CFAP91: variants seen among roughly 807,000 people sequenced by gnomAD.
The protein encoded by CFAP91 is cilia and flagella associated protein 91.
CFAP91 carries 85 observed loss-of-function variants against 95.9 expected under a neutral mutation model. The ratio of observed to expected loss-of-function variants is 0.89; its 90% CI spans 0.74 to 1.06. The LOEUF (loss-of-function observed/expected upper bound fraction) is 1.06. Ranked by LOEUF, CFAP91 falls within the 50% of genes least tolerant of loss-of-function variation. The pLI is 0.00. For synonymous variants in CFAP91, 335 were observed against 327.5 expected, an observed-to-expected ratio of 1.02 and a Z score of -0.25; for missense variants, 962 against 943.4, an observed-to-expected ratio of 1.02 and a Z score of -0.26.
intron 5 of CFAP91, among the ~76,000 whole-genome samples, chr3:119,713,951 A>G (rs2053523584): frequency 6.6e-6 from 1 of 152,116 alleles, no homozygotes; most frequent in South Asian, 2.1e-4. Context: ...TCTCGTATTG[A>G]TGTGATCATT....
At chr3:119,764,179 T>A (rs2054588882) in intron 17 of CFAP91, among the ~76,000 whole-genome samples, 2 of 152,032 alleles carry the variant, frequency 1.3e-5, no homozygotes, top group African/African-American at 4.8e-5. Flanking sequence ...GGAAAGAGAA[T>A]CAGAAACGGT....
chr3:119,740,047 C>G (rs1286414743), intron 12 of CFAP91, among the ~76,000 whole-genome samples: 1 of 152,162 alleles, frequency 6.6e-6, no homozygotes, highest in Non-Finnish European at 1.5e-5. Flanking sequence ...ATAAGAGATT[C>G]AGATATGATG....
intron 13 of CFAP91, among the ~76,000 whole-genome samples, chr3:119,741,876 G>T (rs116840513): frequency 2.0e-4 from 30 of 152,260 alleles, no homozygotes; most frequent in African/African-American, 7.0e-4. Flanking sequence ...GGAACTTTTG[G>T]GGGGTGAGGC....
At chr3:119,709,267 A>G (rs187754419) in intron 4 of CFAP91, among the ~76,000 whole-genome samples, 12 of 152,354 alleles carry the variant, frequency 7.9e-5, no homozygotes, top group African/African-American at 2.2e-4. Flanking sequence ...CCACATCTGT[A>G]TAAGCTTCCT....
At position 119,737,464 on chromosome 3, in the gene CFAP91, C is replaced by A; in HGVS notation, c.1443C>A (p.Thr481=). Residue 481 remains threonine (T), a synonymous_variant, in exon 11 of 18, where the codon ACC becomes ACA. Coordinates refer to ENST00000273390, the MANE Select transcript of CFAP91 (RefSeq NM_033364.4). ...PIPQPRLPTP[T]LEMTSNEEEE... is the part of the protein sequence containing the mutation. ...CTCAACCTCGGCTTCCAACTCCAAC[C>A]TTGGAAATGACGTCCAATGTAAGTT... The A allele has an allele frequency of 6.2e-7, 1 of 1,602,506 alleles. No individual in the cohort carries two copies. The highest frequency in any genetic ancestry group is 1.7e-5 in the Admixed American group (1 of 58,250).
intron 16 of CFAP91, chr3:119,749,068 G>A (rs1334845935): frequency 6.6e-6 from 1 of 152,144 alleles, no homozygotes; most frequent in Non-Finnish European, 1.5e-5. Flanking sequence ...GTCACATTAT[G>A]TTATAAAAGG....
chr3:119,703,062 G>T lies in CFAP91; in HGVS notation c.-37G>T, dbSNP rs199941894. On this transcript the variant is annotated 5_prime_UTR_variant, in exon 1 of 18. Transcript: ENST00000273390. ...TGCACGCAGTAGCCAGGCCTGACCC[G>T]CTGGTCCCTTGCTGGCGGGAGGAAA... 3 of 1,548,016 alleles carry T rather than the reference G, an allele frequency of 1.9e-6. No homozygotes were observed. In the East Asian group the frequency reaches 7.3e-5, roughly 38 times the overall value.
chr3:119,736,608 C>G (rs1327013673), intron 10 of CFAP91, among the ~76,000 whole-genome samples: 1 of 152,086 alleles, frequency 6.6e-6, no homozygotes, highest in East Asian at 1.9e-4. Context: ...TTTGCCTATT[C>G]TGGACATTTC....
chr3:119,734,384 T>C (rs1197765797), intron 10 of CFAP91, among the ~76,000 whole-genome samples: 5 of 152,148 alleles, frequency 3.3e-5, no homozygotes, highest in Non-Finnish European at 5.9e-5. Flanking sequence ...CCCATCTCCT[T>C]TCACCCATCC....
At chr3:119,729,889 G>T (rs998728443) in intron 7 of CFAP91, among the ~76,000 whole-genome samples, 12 of 152,086 alleles carry the variant, frequency 7.9e-5, no homozygotes, top group Non-Finnish European at 1.8e-4. Context: ...AACCCTCCAG[G>T]AATACCACTC....
chr3:119,745,149 A>G (rs2054197298), intron 14 of CFAP91, among the ~76,000 whole-genome samples: 1 of 152,172 alleles, frequency 6.6e-6, no homozygotes, highest in Non-Finnish European at 1.5e-5. Context: ...TAAAAAATGT[A>G]CTCAGCTATG....
Position 119,747,854 on chromosome 3 carries a change from T to G in CFAP91, c.2095T>G (p.Tyr699Asp). 1.9e-6 allele frequency: 3 copies of G among 1,613,740 alleles called. No individual in the cohort carries two copies. The highest frequency in any genetic ancestry group is 2.5e-6 in the Non-Finnish European group (3 of 1,179,820). Residue 699 changes from tyrosine (Y) to aspartate (D), a missense_variant, in exon 16 of 18, where the codon TAT becomes GAT. By Grantham distance (160) the Tyr-to-Asp change is radical. Coordinates refer to ENST00000273390, the MANE Select transcript of CFAP91 (RefSeq NM_033364.4). The part of the protein sequence containing the change: ...QSEEIVAELV[Y>D]SFLIPEVQKY... ...AGAGGAGATTGTTGCTGAGTTGGTTTATAGTTTTCTGATCCCAGAGGTGCA... is the reference window on the plus strand; with the variant it reads ...AGAGGAGATTGTTGCTGAGTTGGTTGATAGTTTTCTGATCCCAGAGGTGCA...
intron 9 of CFAP91, among the ~76,000 whole-genome samples, chr3:119,733,014 A>C (rs971840822): frequency 6.6e-6 from 1 of 152,228 alleles, no homozygotes; most frequent in Admixed American, 6.5e-5. Flanking sequence ...CCATCTCCAG[A>C]GCAAAATGTA....
At chr3:119,753,188 A>G (rs1456365140) in intron 17 of CFAP91, among the ~76,000 whole-genome samples, 1 of 152,206 alleles carries the variant, frequency 6.6e-6, no homozygotes, top group Non-Finnish European at 1.5e-5. Flanking sequence ...CTGGAAGAAT[A>G]TGACAATTCT....
intron 6 of CFAP91, among the ~76,000 whole-genome samples, chr3:119,720,099 A>C (rs1447735576): frequency 1.4e-5 from 2 of 141,942 alleles, no homozygotes; most frequent in Non-Finnish European, 3.1e-5. Context: ...AAAAAAAAAA[A>C]ACTTAGGGGC....
chr3:119,763,248 AT>A (rs2107927741), intron 17 of CFAP91, among the ~76,000 whole-genome samples: 2 of 152,254 alleles, frequency 1.3e-5, no homozygotes, highest in South Asian at 4.1e-4. Flanking sequence ...CGTTCGAGAA[AT>A]GCAAACAAAA....
intron 10 of CFAP91, among the ~76,000 whole-genome samples, chr3:119,736,334 C>T (rs1485624363): frequency 3.0e-5 from 4 of 133,348 alleles, no homozygotes; most frequent in African/African-American, 5.8e-5. Context: ...GGCAGTGGTG[C>T]GATCTCCGCT....
intron 17 of CFAP91, among the ~76,000 whole-genome samples, chr3:119,752,131 T>C (rs909807857): frequency 2.0e-5 from 3 of 152,178 alleles, no homozygotes; most frequent in Non-Finnish European, 4.4e-5. Flanking sequence ...TCAACCCTTT[T>C]GTGGTAGAGG....
intron 10 of CFAP91, among the ~76,000 whole-genome samples, chr3:119,735,168 G>C (rs142691026): frequency 1.3e-5 from 2 of 151,952 alleles, no homozygotes; most frequent in South Asian, 2.1e-4. Context: ...CTGAAGGCTT[G>C]CTTATTTTCT....
Sources: gnomAD v4.1 joint callset for allele counts (sites outside exome capture counted in the v4.1 genomes callset) on GRCh38, gnomAD v4.1.1 for gene constraint, MANE v1.5 for transcripts, NCBI Gene and HGNC (gene_info 2026-07-23, HGNC 2026-07-21) for gene names.